Variants in SLC38A11 observed in about 807,000 individuals in gnomAD.
The protein encoded by SLC38A11 is putative sodium-coupled neutral amino acid transporter 11.
A neutral mutation model predicts 49.4 loss-of-function variants in SLC38A11; 51 were observed. The observed-to-expected ratio is 1.03, with a 90% CI of 0.83 to 1.30. The LOEUF (loss-of-function observed/expected upper bound fraction) is 1.30, where lower values mean the gene tolerates loss of function less well. SLC38A11 is among the 50% of genes most tolerant of loss of function. The probability of loss-of-function intolerance (pLI) is 0.00; values close to 1 mark genes in which losing one functional copy is unlikely to be tolerated. For missense variants in SLC38A11, 574 were observed against 556.2 expected, an observed-to-expected ratio of 1.03 and a Z score of -0.32; for synonymous variants, 203 against 192.9, an observed-to-expected ratio of 1.05 and a Z score of -0.43.
At position 164,897,301 on chromosome 2, in the gene SLC38A11, C is replaced by G. The variant is rs943379404; in HGVS notation, c.*1136G>C. 4.6e-5 allele frequency: 7 copies of G among 152,298 alleles called. No individual in the cohort carries two copies. The highest frequency in any genetic ancestry group is 3.3e-4 in the Admixed American group (5 of 15,280). The allele number at this position is 152,298 out of a possible 1,614,324, so 9.4% of individuals were successfully genotyped here. ...TGCTCTGCTGCAAAGAGCTGCCTAG[C>G]CCAAGAACTCATCCTTCTCCAGATG... On this transcript the variant is annotated 3_prime_UTR_variant, in exon 12 of 12. Coordinates refer to ENST00000685975, the MANE Select transcript of SLC38A11 (RefSeq NM_001351537.2).
In SLC38A11 at chr2:164,904,850, A is replaced by G. The variant is rs146618780; in HGVS notation, c.1095+3790T>C. Among the ~76,000 whole-genome samples the G allele has an allele frequency of 9.9e-3, 1,513 of 152,308 alleles. 30 individuals carry two copies. Among genetic ancestry groups the G allele is most frequent in the African/African-American group, 0.035 (1,438 of 41,584 alleles). On this transcript the variant is annotated intron_variant, in intron 11 of 11. Transcript: ENST00000685975. ...TAAGAAAGTGGATAGAGAAATGAGC[A>G]TAATTATTTTACATAATTTAAAATC...
chr2:164,915,382 A>G (rs1685709778), intron 8 of SLC38A11, 109 bp from the exon 9 acceptor site: 4 of 917,316 alleles, frequency 4.4e-6, no homozygotes, highest in Non-Finnish European at 6.4e-6. Context: ...ACTGAAGTTT[A>G]AACATACAAC....
chr2:164,915,011 T>G, intron 9 of SLC38A11, 101 bp downstream of exon 9: 1 of 1,095,316 alleles, frequency 9.1e-7, no homozygotes, highest in Non-Finnish European at 1.3e-6. Flanking sequence ...AGAGTAATCT[T>G]TGAAATAGAA....
chr2:164,899,862 C>T (rs1219049998), intron 11 of SLC38A11, among the ~76,000 whole-genome samples: 1 of 151,958 alleles, frequency 6.6e-6, no homozygotes, highest in African/African-American at 2.4e-5. Flanking sequence ...AATTACAGCC[C>T]TCATATTGTA....
In SLC38A11 at chr2:164,896,560, T is replaced by C. The variant is rs1684380150; in HGVS notation, c.*1877A>G. 6.6e-6 allele frequency: 1 copy of C among 152,142 alleles called. No individual in the cohort carries two copies. Among genetic ancestry groups the C allele is most frequent in the South Asian group, 2.1e-4 (1 of 4,818 alleles). The allele number at this position is 152,142 out of a possible 1,614,324, so 9.4% of individuals were successfully genotyped here. ...AAAATTTCTTACATTTCCTCATTTCTTACATGGAATGAAAGCATTTTTATT... is the reference window on the plus strand; with the variant it reads ...AAAATTTCTTACATTTCCTCATTTCCTACATGGAATGAAAGCATTTTTATT... On this transcript the variant is annotated 3_prime_UTR_variant, in exon 12 of 12. Coordinates refer to ENST00000685975, the MANE Select transcript of SLC38A11 (RefSeq NM_001351537.2).
intron 7 of SLC38A11, among the ~76,000 whole-genome samples, chr2:164,928,964 G>A (rs535393093): frequency 6.6e-6 from 1 of 152,164 alleles, no homozygotes; most frequent in South Asian, 2.1e-4. Flanking sequence ...TGGGTTCTAA[G>A]TTTTGACTTA....
intron 9 of SLC38A11, among the ~76,000 whole-genome samples, chr2:164,914,541 A>G (rs1029124708): frequency 7.9e-5 from 12 of 152,082 alleles, no homozygotes; most frequent in African/African-American, 2.4e-4. Context: ...AATTAAAACA[A>G]TGAAAGTACC....
At chr2:164,947,361 A>G (rs1688205916) in intron 3 of SLC38A11, among the ~76,000 whole-genome samples, 1 of 151,570 alleles carries the variant, frequency 6.6e-6, no homozygotes, top group African/African-American at 2.4e-5. Flanking sequence ...CGAACTCCTG[A>G]CCTCAAGTGA....
intron 10 of SLC38A11, among the ~76,000 whole-genome samples, chr2:164,910,026 T>A (rs2105454592): frequency 6.6e-6 from 1 of 152,264 alleles, no homozygotes; most frequent in Admixed American, 6.6e-5. Flanking sequence ...AGATATTTGT[T>A]AAGGGTAGAC....
intron 2 of SLC38A11, among the ~76,000 whole-genome samples, chr2:164,953,607 C>T (rs533665155): frequency 6.6e-6 from 1 of 151,800 alleles, no homozygotes; most frequent in Non-Finnish European, 1.5e-5. Flanking sequence ...TCTACTTTAC[C>T]TCAGGTAACT....
At chr2:164,905,043 G>A (rs886813773) in intron 11 of SLC38A11, among the ~76,000 whole-genome samples, 2 of 152,062 alleles carry the variant, frequency 1.3e-5, no homozygotes, top group Admixed American at 6.6e-5. Flanking sequence ...ATAGATAAAA[G>A]GAGATGATAC....
In SLC38A11 at chr2:164,894,972, C is replaced by G. The variant is rs937869809; in HGVS notation, c.*3465G>C. 6.6e-5 allele frequency among the ~76,000 whole-genome samples: 10 copies of G among 152,094 alleles called. No homozygotes were observed. Among genetic ancestry groups the G allele is most frequent in the Non-Finnish European group, 1.5e-4 (10 of 68,010 alleles). ...CTTATGTCCAACTTCCAGCCTTTTTCAAACGTGGTCCCTGAACCAGCAGCA... is the reference window on the plus strand; with the variant it reads ...CTTATGTCCAACTTCCAGCCTTTTTGAAACGTGGTCCCTGAACCAGCAGCA... On this transcript the variant is annotated 3_prime_UTR_variant, in exon 12 of 12. Transcript: ENST00000685975.
In SLC38A11 at chr2:164,948,726, T is replaced by C. The variant is rs139911501; in HGVS notation, c.230-2999A>G. Among the ~76,000 whole-genome samples, 8 of 152,268 alleles carry C rather than the reference T, an allele frequency of 5.3e-5. No homozygotes were observed. In the East Asian group the frequency reaches 1.5e-3, roughly 29 times the overall value. On this transcript the variant is annotated intron_variant, in intron 3 of 11. Coordinates refer to ENST00000685975, the MANE Select transcript of SLC38A11 (RefSeq NM_001351537.2). ...CTAGCTCAGGAAGTGGTAATGATTA[T>C]CATTACATGAGAGGCTTCCTATCTG...
intron 7 of SLC38A11, among the ~76,000 whole-genome samples, chr2:164,924,466 C>T (rs1686428556): frequency 6.6e-6 from 1 of 152,136 alleles, no homozygotes; most frequent in East Asian, 1.9e-4. Context: ...CCAATAAACC[C>T]ATGTAACAAA....
At chr2:164,906,102 C>CA (rs200157978) in intron 11 of SLC38A11, among the ~76,000 whole-genome samples, 16 of 150,978 alleles carry the variant, frequency 1.1e-4, no homozygotes, top group East Asian at 9.7e-4. Flanking sequence ...AACTTGAAAA[C>CA]AAAAAAAAAT....
At chr2:164,909,649 G>A (rs1574750679) in intron 10 of SLC38A11, among the ~76,000 whole-genome samples, 1 of 151,556 alleles carries the variant, frequency 6.6e-6, no homozygotes, top group Non-Finnish European at 1.5e-5. Context: ...ATTATAGGCT[G>A]AGACAAGAGC....
intron 10 of SLC38A11, among the ~76,000 whole-genome samples, chr2:164,909,124 T>C (rs1301216242): frequency 6.6e-6 from 1 of 152,180 alleles, no homozygotes; most frequent in Non-Finnish European, 1.5e-5. Flanking sequence ...AAACTAAACA[T>C]GCTATTTAGA....
At chr2:164,912,462 A>T (rs757709671) in intron 9 of SLC38A11, 79 of 152,042 alleles carry the variant, frequency 5.2e-4, no homozygotes, top group Non-Finnish European at 9.7e-4. Flanking sequence ...ATTATTTTTT[A>T]AAAATGTCTG....
chr2:164,934,738 C>T (rs1481707824), intron 7 of SLC38A11, among the ~76,000 whole-genome samples: 1 of 152,022 alleles, frequency 6.6e-6, no homozygotes, highest in Non-Finnish European at 1.5e-5. Context: ...TAAAAATTAT[C>T]AATTAAAACA....
Sources: allele counts gnomAD v4.1 joint callset (sites outside exome capture counted in the v4.1 genomes callset), GRCh38; gene constraint gnomAD v4.1.1; transcripts MANE v1.5; gene names NCBI Gene and HGNC (gene_info 2026-07-23, HGNC 2026-07-21).